Variants in CSMD1 observed in about 807,000 individuals in gnomAD.
CSMD1 encodes CUB and Sushi multiple domains 1.
Under a neutral mutation model 417.5 loss-of-function variants are expected in CSMD1, and 213 were observed. The ratio of observed to expected loss-of-function variants is 0.51; its 90% CI spans 0.46 to 0.57. The LOEUF (loss-of-function observed/expected upper bound fraction) is 0.57, where lower values mean the gene tolerates loss of function less well. Among genes scored for constraint, CSMD1 ranks in the 20% least tolerant of loss-of-function variants. The pLI is 0.00. For synonymous variants in CSMD1, 2,862 were observed against 1,736.8 expected (o/e 1.65, Z -16.11); for missense variants, 6,923 against 4,529.7 (o/e 1.53, Z -15.17).
At chr8:3,667,996 G>C (rs1307249668) in intron 7 of CSMD1, among the ~76,000 whole-genome samples, 2 of 152,112 alleles carry the variant, frequency 1.3e-5, no homozygotes, top group South Asian at 2.1e-4. Context: ...ATCAATATGA[G>C]TGTCTGTGCG....
chr8:4,281,943 C>T lies in CSMD1; in HGVS notation c.415+138010G>A, dbSNP rs966278992. 3.9e-5 allele frequency among the ~76,000 whole-genome samples: 6 copies of T among 152,230 alleles called. 1 individual carries two copies. The South Asian group carries it at 1.2e-3, about 32-fold the overall frequency. On this transcript the variant is annotated intron_variant, in intron 3 of 69. Transcript: ENST00000635120. ...GATGACATAGATGCTGGTGAATGTGCCTGTTAGGGCTTGATCAGGTTTACC... is the reference window on the plus strand; with the variant it reads ...GATGACATAGATGCTGGTGAATGTGTCTGTTAGGGCTTGATCAGGTTTACC...
chr8:4,113,313 CA>C (rs924801655), intron 3 of CSMD1, among the ~76,000 whole-genome samples: 8 of 142,704 alleles, frequency 5.6e-5, no homozygotes, highest in African/African-American at 2.1e-4. Context: ...AAAGACATGT[CA>C]AAAAAACTAG....
intron 5 of CSMD1, among the ~76,000 whole-genome samples, chr8:3,868,315 T>C (rs904360664): frequency 3.9e-5 from 6 of 152,106 alleles, no homozygotes; most frequent in African/African-American, 1.2e-4. Flanking sequence ...GATTTCATTT[T>C]CACCCGGAGA....
At chr8:2,943,393 A>G (rs1271293667) in intron 68 of CSMD1, among the ~76,000 whole-genome samples, 54 of 151,792 alleles carry the variant, frequency 3.6e-4, no homozygotes, top group Non-Finnish European at 2.9e-5. Context: ...ATGCCTGGCT[A>G]TTTTTTGTAT....
intron 5 of CSMD1, among the ~76,000 whole-genome samples, chr8:3,861,632 GT>G (rs1171241209): frequency 6.6e-6 from 1 of 152,184 alleles, no homozygotes; most frequent in East Asian, 1.9e-4. Flanking sequence ...GGTGAAGCTT[GT>G]TGTCTTGGAG....
chr8:3,260,575 G>A (rs949989940), intron 26 of CSMD1, among the ~76,000 whole-genome samples: 2 of 151,832 alleles, frequency 1.3e-5, no homozygotes, highest in Non-Finnish European at 2.9e-5. Flanking sequence ...AGGGTCCACC[G>A]AGAACAAACC....
chr8:4,476,269 T>G (rs1334700746), intron 2 of CSMD1, among the ~76,000 whole-genome samples: 1 of 152,178 alleles, frequency 6.6e-6, no homozygotes, highest in Non-Finnish European at 1.5e-5. Flanking sequence ...TTATTCATCA[T>G]GATAGAGACC....
chr8:4,717,571 C>T (rs138794550), intron 1 of CSMD1, among the ~76,000 whole-genome samples: 2 of 130,502 alleles, frequency 1.5e-5, no homozygotes, highest in African/African-American at 6.5e-5. Context: ...TCTATCCATC[C>T]ATCCATCCAT....
chr8:3,547,979 G>A (rs775185794), intron 10 of CSMD1, among the ~76,000 whole-genome samples: 35 of 151,974 alleles, frequency 2.3e-4, no homozygotes, highest in Admixed American at 9.2e-4. Context: ...TTTGGATATG[G>A]TAAAGAAAAA....
chr8:3,578,455 C>T (rs369516747), intron 9 of CSMD1, among the ~76,000 whole-genome samples: 29 of 152,230 alleles, frequency 1.9e-4, no homozygotes, highest in African/African-American at 6.3e-4. Context: ...CGGCAGTGCA[C>T]GCAGGCCCTT....
intron 3 of CSMD1, among the ~76,000 whole-genome samples, chr8:4,178,044 A>G (rs897359449): frequency 6.6e-6 from 1 of 152,148 alleles, no homozygotes; most frequent in African/African-American, 2.4e-5. Context: ...TATTCCAATA[A>G]ATAGAAAAAG....
At position 3,828,321 on chromosome 8, in the gene CSMD1, C is replaced by T. The variant is rs376331191; in HGVS notation, c.819-74279G>A. Among the ~76,000 whole-genome samples the T allele has an allele frequency of 2.0e-5, 3 of 152,286 alleles. No homozygotes were observed. The South Asian group carries it at 6.2e-4, about 32-fold the overall frequency. ...TTTGGAACACCTGTCTCAGCTTTCA[C>T]TTAAGTATAATGAATCTATAATTAA... On this transcript the variant is annotated intron_variant, in intron 5 of 69. Transcript: ENST00000635120.
At chr8:3,988,293 C>T (rs1156417241) in intron 5 of CSMD1, among the ~76,000 whole-genome samples, 1 of 152,196 alleles carries the variant, frequency 6.6e-6, no homozygotes, top group African/African-American at 2.4e-5. Context: ...AAACATCACA[C>T]AGGATTTCAA....
At chr8:4,191,340 G>T (rs1799019910) in intron 3 of CSMD1, among the ~76,000 whole-genome samples, 1 of 152,116 alleles carries the variant, frequency 6.6e-6, no homozygotes, top group Non-Finnish European at 1.5e-5. Flanking sequence ...AGCCTGCAGT[G>T]AGCAGAGATC....
At chr8:4,386,706 C>T (rs75627799) in intron 3 of CSMD1, among the ~76,000 whole-genome samples, 26,841 of 152,084 alleles carry the variant, frequency 0.18, 2,664 homozygotes, top group African/African-American at 0.25. Flanking sequence ...GACAAGGATC[C>T]AGATGGTAAG....
At chr8:3,764,328 C>G (rs1240173337) in intron 5 of CSMD1, among the ~76,000 whole-genome samples, 1 of 152,180 alleles carries the variant, frequency 6.6e-6, no homozygotes, top group Non-Finnish European at 1.5e-5. Flanking sequence ...CCTGAGTGTA[C>G]TTGTGCTCCC....
chr8:4,299,708 G>A (rs1333853270), intron 3 of CSMD1, among the ~76,000 whole-genome samples: 3 of 152,076 alleles, frequency 2.0e-5, no homozygotes, highest in Non-Finnish European at 4.4e-5. Context: ...TTGGCTCACT[G>A]CAACCCCTGA....
At chr8:4,669,311 T>A (rs1805145941) in intron 1 of CSMD1, among the ~76,000 whole-genome samples, 1 of 152,212 alleles carries the variant, frequency 6.6e-6, no homozygotes, top group Non-Finnish European at 1.5e-5. Context: ...TTACAAGAAG[T>A]TAGCTCTACC....
rs569306112 is a variant in CSMD1, at chr8:3,287,608, G to A, written c.3951-3262C>T. ...TCATGATTTGGCTCTCTGTTTGTCT[G>A]TTATTGGCATATGAGAATGCTTGTG... On this transcript the variant is annotated intron_variant, in intron 25 of 69. Transcript: ENST00000635120. Among the ~76,000 whole-genome samples, 8 of 152,240 alleles carry A rather than the reference G, an allele frequency of 5.3e-5. No homozygotes were observed. The East Asian group carries it at 9.6e-4, about 18-fold the overall frequency.
Sources: allele counts gnomAD v4.1 joint callset (sites outside exome capture counted in the v4.1 genomes callset), GRCh38; gene constraint gnomAD v4.1.1; transcripts MANE v1.5; gene names NCBI Gene and HGNC (gene_info 2026-07-23, HGNC 2026-07-21).